Variants in WDFY4 observed in about 807,000 individuals in gnomAD.
WDFY4 encodes the protein WD repeat- and FYVE domain-containing protein 4.
WDFY4 carries 169 observed loss-of-function variants against 351.9 expected under a neutral mutation model. That is an observed-to-expected ratio of 0.48 (90% confidence interval 0.42 to 0.55). The LOEUF is 0.55. WDFY4 is among the 20% of genes least tolerant of loss of function. WDFY4 has a pLI of 0.00. For missense variants in WDFY4, 3,803 were observed against 3,935.6 expected, an observed-to-expected ratio of 0.97 and a Z score of 0.90; for synonymous variants, 1,622 against 1,574.6, an observed-to-expected ratio of 1.03 and a Z score of -0.71.
chr10:48,820,385 T>G lies in WDFY4; in HGVS notation c.5657T>G (p.Leu1886Arg). ...EFTQLLLREL[L>R]LGASSPKQWL... ...ACGCAGCTCCTCTTGAGGGAGCTCC[T>G]GCTTGGAGCCTCCAGCCCCAAGCAG... Residue 1886 changes from leucine (L) to arginine (R), a missense_variant, in exon 33 of 62, where the codon CTG becomes CGG. By Grantham distance (102) the Leu-to-Arg change is moderately radical. Transcript: ENST00000325239. The G allele has an allele frequency of 6.4e-7, 1 of 1,551,646 alleles. No individual in the cohort carries two copies. Among genetic ancestry groups the G allele is most frequent in the Non-Finnish European group, 8.7e-7 (1 of 1,146,990 alleles).
chr10:48,971,717 A>G (rs896385959), intron 57 of WDFY4, among the ~76,000 whole-genome samples: 1 of 152,112 alleles, frequency 6.6e-6, no homozygotes, highest in Admixed American at 6.5e-5. Flanking sequence ...AGCAAATGTG[A>G]GGTGAAGGAA....
chr10:48,806,232 G>A (rs776311721), intron 27 of WDFY4, 137 bp downstream of exon 27: 10 of 738,582 alleles, frequency 1.4e-5, no homozygotes, highest in African/African-American at 5.3e-5. Context: ...CCAAGCCGTG[G>A]CCTGTGAGGC....
At chr10:48,820,501 A>G (rs1303379153) in intron 33 of WDFY4, 64 bp downstream of exon 33, 1 of 1,507,802 alleles carries the variant, frequency 6.6e-7, no homozygotes, top group Non-Finnish European at 9.0e-7. Flanking sequence ...CGGCACTGCA[A>G]GGGCAGGATG....
chr10:48,900,286 T>C lies in WDFY4; in HGVS notation c.7503T>C (p.Asp2501=), dbSNP rs185315878. The C allele has an allele frequency of 6.4e-7, 1 of 1,551,680 alleles. No homozygotes were observed. The highest frequency in any genetic ancestry group is 8.7e-7 in the Non-Finnish European group (1 of 1,146,958). Residue 2501 remains aspartate, a synonymous_variant, in exon 46 of 62, where the codon GAT becomes GAC. Transcript: ENST00000325239. The stretch of plus-strand genomic sequence containing the variant: ...AGTTTCTTGTCTTCTACAACAATGA[T>C]CGGAGTAAGGCCTTTAAAAGGTAAG... The part of the protein sequence containing the change: ...YSKFLVFYNN[D]RSKAFKSFCS...
intron 1 of WDFY4, among the ~76,000 whole-genome samples, chr10:48,707,804 T>A (rs2063671035): frequency 6.6e-6 from 1 of 151,990 alleles, no homozygotes; most frequent in Non-Finnish European, 1.5e-5. Context: ...ACACAGGGAA[T>A]GCGAATGGAG....
intron 3 of WDFY4, among the ~76,000 whole-genome samples, 153 bp from the exon 4 acceptor site, chr10:48,721,108 G>GT (rs1272169740): frequency 2.0e-5 from 3 of 152,184 alleles, no homozygotes; most frequent in African/African-American, 7.2e-5. Context: ...GGAGCGTTTG[G>GT]TAGAGATGCA....
rs745689237 is a variant in WDFY4 at position 48,910,990 on chromosome 10, G to A, written c.7586+9127G>A. 1.2e-5 allele frequency: 9 copies of A among 770,666 alleles called. No individual in the cohort carries two copies. The African/African-American group carries it at 1.7e-4, about 14-fold the overall frequency. 47.7% of individuals were successfully genotyped at this position (770,666 alleles called of 1,614,324 possible). A position where few individuals can be genotyped will look rare whatever the true frequency, so the allele number is the denominator to read the frequency against. On this transcript the variant is annotated intron_variant, in intron 47 of 61. Transcript: ENST00000325239. The stretch of plus-strand genomic sequence containing the variant: ...TAAAGAAAAAGTGTCTGAAGGGGGA[G>A]AAATTGAAATGGAAAGTCATCATGT...
chr10:48,738,501 G>A (rs926866606), intron 11 of WDFY4, among the ~76,000 whole-genome samples: 3 of 152,218 alleles, frequency 2.0e-5, no homozygotes, highest in African/African-American at 7.2e-5. Context: ...CTGCTGGGCA[G>A]TTGGAGGGCC....
At chr10:48,820,718 AG>A (rs2132989189) in intron 33 of WDFY4, among the ~76,000 whole-genome samples, 1 of 152,258 alleles carries the variant, frequency 6.6e-6, no homozygotes, top group South Asian at 2.1e-4. Flanking sequence ...GCAGAGGGGC[AG>A]GAGGTGAAGC....
At chr10:48,871,614 T>C (rs1401852098) in intron 40 of WDFY4, among the ~76,000 whole-genome samples, 5 of 152,018 alleles carry the variant, frequency 3.3e-5, no homozygotes, top group Admixed American at 6.6e-5. Flanking sequence ...TAGCTGAGAG[T>C]ACAGTCATGC....
chr10:48,879,887 C>T (rs1354636971), intron 43 of WDFY4, among the ~76,000 whole-genome samples: 1 of 152,176 alleles, frequency 6.6e-6, no homozygotes, highest in African/African-American at 2.4e-5. Context: ...GCCTCCCGCT[C>T]CCCCAACACC....
chr10:48,960,790 A>G (rs1489292182), intron 53 of WDFY4, among the ~76,000 whole-genome samples: 1 of 152,272 alleles, frequency 6.6e-6, no homozygotes, highest in African/African-American at 2.4e-5. Context: ...ATGAGTTTTA[A>G]TGCATTATCC....
chr10:48,926,392 A>G (rs1198487407), intron 47 of WDFY4, among the ~76,000 whole-genome samples: 1 of 152,186 alleles, frequency 6.6e-6, no homozygotes, highest in Non-Finnish European at 1.5e-5. Context: ...TTGGCCTGGG[A>G]ACTGCAATGT....
chr10:48,946,276 C>A, intron 50 of WDFY4, 119 bp downstream of exon 50: 2 of 787,970 alleles, frequency 2.5e-6, no homozygotes, highest in African/African-American at 1.8e-5. Flanking sequence ...GAATAGAGGA[C>A]TCTAACCTGG....
At chr10:48,916,896 TGTGTGTGTGTGTG>T (rs1396131739) in intron 47 of WDFY4, among the ~76,000 whole-genome samples, 1 of 151,946 alleles carries the variant, frequency 6.6e-6, no homozygotes, top group African/African-American at 2.4e-5. Flanking sequence ...TGTGTGTGTG[TGTGTGTGTGTGTG>T]TACAACCATG....
chr10:48,953,354 C>CACACACAT, intron 51 of WDFY4, among the ~76,000 whole-genome samples: 1 of 151,978 alleles, frequency 6.6e-6, no homozygotes, highest in Admixed American at 6.6e-5. Flanking sequence ...CACACACACA[C>CACACACAT]ACACACAATT....
At chr10:48,756,022 A>G (rs2065325572) in intron 12 of WDFY4, among the ~76,000 whole-genome samples, 1 of 152,052 alleles carries the variant, frequency 6.6e-6, no homozygotes, top group African/African-American at 2.4e-5. Flanking sequence ...CCTTTCTGAT[A>G]CCATATAAAT....
chr10:48,938,005 G>A (rs915870294), intron 47 of WDFY4, among the ~76,000 whole-genome samples: 1 of 152,304 alleles, frequency 6.6e-6, no homozygotes, highest in East Asian at 1.9e-4. Context: ...TGGCCAAGCT[G>A]GACTATTTTT....
intron 12 of WDFY4, 52 bp from the exon 13 acceptor site, chr10:48,760,295 G>A (rs924366179): frequency 1.3e-5 from 20 of 1,497,966 alleles, no homozygotes; most frequent in Non-Finnish European, 1.5e-5. Context: ...AGTGAAAATA[G>A]AAAGAAACTG....
Sources: allele counts gnomAD v4.1 joint callset (sites outside exome capture counted in the v4.1 genomes callset), GRCh38; gene constraint gnomAD v4.1.1; transcripts MANE v1.5; gene names NCBI Gene and HGNC (gene_info 2026-07-23, HGNC 2026-07-21).